Variants in TRIM9 observed in about 807,000 individuals in gnomAD.
TRIM9 encodes the protein tripartite motif containing 9.
Under a neutral mutation model 78.3 loss-of-function variants are expected in TRIM9, and 26 were observed. The ratio of observed to expected loss-of-function variants is 0.33; its 90% CI spans 0.24 to 0.46. The LOEUF (loss-of-function observed/expected upper bound fraction) is 0.46, where lower values mean the gene tolerates loss of function less well. Among genes scored for constraint, TRIM9 ranks in the 20% least tolerant of loss-of-function variants. The pLI is 1.00. For synonymous variants in TRIM9, 398 were observed against 416.5 expected (o/e 0.96, Z 0.54); for missense variants, 787 against 1,036.4 (o/e 0.76, Z 3.30).
At chr14:50,990,013 T>C (rs1202876339) in intron 7 of TRIM9, among the ~76,000 whole-genome samples, 1 of 152,148 alleles carries the variant, frequency 6.6e-6, no homozygotes, top group Admixed American at 6.5e-5. Flanking sequence ...TATATTTCTT[T>C]TGTTTCTTTA....
At chr14:51,027,047 T>C (rs2058297204) in intron 1 of TRIM9, among the ~76,000 whole-genome samples, 1 of 151,802 alleles carries the variant, frequency 6.6e-6, no homozygotes, top group Non-Finnish European at 1.5e-5. Flanking sequence ...GGGCATTGCA[T>C]AAGATACTAT....
At chr14:51,066,060 G>T (rs1037700208) in intron 1 of TRIM9, among the ~76,000 whole-genome samples, 1 of 58,592 alleles carries the variant, frequency 1.7e-5, no homozygotes, top group Non-Finnish European at 3.4e-5. Flanking sequence ...TTAGAAGGAA[G>T]GAAGGAAGGA....
At chr14:50,995,816 AAATAAGATT>A (rs2054141253) in intron 7 of TRIM9, among the ~76,000 whole-genome samples, 1 of 152,202 alleles carries the variant, frequency 6.6e-6, no homozygotes, top group African/African-American at 2.4e-5. Context: ...AAACTGTAGG[AAATAAGATT>A]AATAAAGCAT....
At position 51,040,890 on chromosome 14, in the gene TRIM9, T is replaced by C. The variant is rs149022228; in HGVS notation, c.823-15530A>G. Reference sequence around the variant, plus strand: ...AAAATAAAATACAACCTTATTCTAATATCTGATCATTTTCACTGGCAAAGG... The same window carrying C: ...AAAATAAAATACAACCTTATTCTAACATCTGATCATTTTCACTGGCAAAGG... On this transcript the variant is annotated intron_variant, in intron 1 of 12. Coordinates refer to ENST00000684578, the MANE Select transcript of TRIM9 (RefSeq NM_001387360.1). Among the ~76,000 whole-genome samples the C allele has an allele frequency of 1.9e-4, 29 of 152,358 alleles. No individual in the cohort carries two copies. In the East Asian group the frequency reaches 5.2e-3, roughly 27 times the overall value.
chr14:51,045,871 T>C (rs1419574318), intron 1 of TRIM9, among the ~76,000 whole-genome samples: 1 of 152,130 alleles, frequency 6.6e-6, no homozygotes, highest in Non-Finnish European at 1.5e-5. Flanking sequence ...CAAGGAGGCA[T>C]GTTCATGGAT....
At chr14:51,003,753 A>T (rs887956543) in intron 5 of TRIM9, among the ~76,000 whole-genome samples, 1 of 152,198 alleles carries the variant, frequency 6.6e-6, no homozygotes, top group African/African-American at 2.4e-5. Context: ...GAGGAAAAAA[A>T]AAAGAAAGAA....
chr14:51,079,301 G>A (rs567173356), intron 1 of TRIM9, among the ~76,000 whole-genome samples: 161 of 152,254 alleles, frequency 1.1e-3, no homozygotes, highest in African/African-American at 3.8e-3. Flanking sequence ...CCTCCAAATT[G>A]AGTAATAATC....
At chr14:51,042,855 C>T (rs948128475) in intron 1 of TRIM9, among the ~76,000 whole-genome samples, 6 of 152,156 alleles carry the variant, frequency 3.9e-5, no homozygotes, top group Non-Finnish European at 7.3e-5. Flanking sequence ...CCATTCTCAA[C>T]CTTCTCTGGG....
Position 50,986,152 on chromosome 14 carries a change from T to G in TRIM9, c.1604-8A>C, listed in dbSNP as rs1222472370. ...GTTCTTCTGAATCTGTGTCTAAATG[T>G]AAGATCAATGCAAACTAGAGATCAG... On this transcript the variant is annotated splice_polypyrimidine_tract_variant and splice_region_variant and intron_variant, in intron 7 of 12. Transcript: ENST00000684578. The G allele has an allele frequency of 6.7e-7, 1 of 1,501,724 alleles. No homozygotes were observed. Among genetic ancestry groups the G allele is most frequent in the Admixed American group, 2.2e-5 (1 of 45,634 alleles). 93.0% of individuals were successfully genotyped at this position (1,501,724 alleles called of 1,614,324 possible). A position where few individuals can be genotyped will look rare whatever the true frequency, so the allele number is the denominator to read the frequency against.
At chr14:51,052,854 G>A (rs1249176058) in intron 1 of TRIM9, among the ~76,000 whole-genome samples, 1 of 152,130 alleles carries the variant, frequency 6.6e-6, no homozygotes, top group African/African-American at 2.4e-5. Context: ...TGCTGCCACT[G>A]ATGGAGAAAA....
intron 1 of TRIM9, among the ~76,000 whole-genome samples, chr14:51,044,562 G>C (rs571631366): frequency 3.3e-5 from 5 of 152,142 alleles, no homozygotes; most frequent in Non-Finnish European, 5.9e-5. Context: ...TTAACGACTG[G>C]AACTCAAGCA....
At chr14:51,046,604 A>G (rs2059971418) in intron 1 of TRIM9, among the ~76,000 whole-genome samples, 4 of 152,214 alleles carry the variant, frequency 2.6e-5, no homozygotes, top group Admixed American at 2.6e-4. Flanking sequence ...ATAATGGAGA[A>G]TTTTAAAAAT....
Position 50,996,787 on chromosome 14 carries a change from T to C in TRIM9, c.1603+1263A>G, listed in dbSNP as rs547946567. 18 of 985,464 alleles carry C rather than the reference T, an allele frequency of 1.8e-5. No individual in the cohort carries two copies. In the African/African-American group the frequency reaches 3.1e-4, roughly 17 times the overall value. The allele number at this position is 985,464 out of a possible 1,614,324, so 61.0% of individuals were successfully genotyped here. ...GGGGAAGCTGTAGCTACCACATCAC[T>C]GTACTCCAAATGGGAACAGGTCATG... On this transcript the variant is annotated intron_variant, in intron 7 of 12. Transcript: ENST00000684578.
In TRIM9 at chr14:51,010,430, T is replaced by C. The variant is rs1470700978; in HGVS notation, c.1106A>G (p.Tyr369Cys). Residue 369 changes from tyrosine (Y) to cysteine (C), a missense_variant, in exon 4 of 13, where the codon TAC becomes TGC. Tyr to Cys is a radical substitution (Grantham distance 194). Coordinates refer to ENST00000684578, the MANE Select transcript of TRIM9 (RefSeq NM_001387360.1). ...KLRQTTGLME[Y>C]CLEVIKENDP... The stretch of plus-strand genomic sequence containing the variant: ...ATTTTCCTTAATCACCTCCAAGCAG[T>C]ACTCCATGAGACCTGTGGTCTGGCG... 1.2e-6 allele frequency: 2 copies of C among 1,613,928 alleles called. No individual in the cohort carries two copies. The highest frequency in any genetic ancestry group is 1.3e-5 in the African/African-American group (1 of 74,888).
intron 7 of TRIM9, among the ~76,000 whole-genome samples, chr14:50,990,241 C>G (rs1378372134): frequency 6.6e-6 from 1 of 152,092 alleles, no homozygotes; most frequent in Non-Finnish European, 1.5e-5. Flanking sequence ...TGGTCTCAAA[C>G]CACTGGCCTC....
intron 1 of TRIM9, among the ~76,000 whole-genome samples, chr14:51,087,960 T>G (rs1158758235): frequency 1.1e-4 from 17 of 152,200 alleles, no homozygotes; most frequent in Admixed American, 1.1e-3. Flanking sequence ...TCCTCATGCC[T>G]AAAATCATTT....
chr14:50,990,916 A>G (rs560877144), intron 7 of TRIM9, among the ~76,000 whole-genome samples: 4 of 152,260 alleles, frequency 2.6e-5, no homozygotes, highest in Non-Finnish European at 5.9e-5. Flanking sequence ...GTTTTCATAA[A>G]TGGTCTTATA....
chr14:50,977,848 G>T (rs191439957), intron 12 of TRIM9, among the ~76,000 whole-genome samples: 2 of 152,254 alleles, frequency 1.3e-5, no homozygotes, highest in African/African-American at 4.8e-5. Context: ...ACCAATTTCC[G>T]TGTATCCCCA....
chr14:51,078,517 T>C (rs2063006361), intron 1 of TRIM9, among the ~76,000 whole-genome samples: 1 of 152,178 alleles, frequency 6.6e-6, no homozygotes, highest in Non-Finnish European at 1.5e-5. Flanking sequence ...TGGAAGGTCA[T>C]TCAGCCTTAA....
Sources: allele counts gnomAD v4.1 joint callset (sites outside exome capture counted in the v4.1 genomes callset), GRCh38; gene constraint gnomAD v4.1.1; transcripts MANE v1.5; gene names NCBI Gene and HGNC (gene_info 2026-07-23, HGNC 2026-07-21).